Variants in TRANK1 observed in about 807,000 individuals in gnomAD.
The protein encoded by TRANK1 is TPR and ankyrin repeat-containing protein 1.
TRANK1 carries 198 observed loss-of-function variants against 266.0 expected under a neutral mutation model. The observed-to-expected ratio is 0.74, with a 90% CI of 0.66 to 0.84. TRANK1 has a LOEUF of 0.84. Ranked by LOEUF, TRANK1 falls within the 40% of genes least tolerant of loss-of-function variation. TRANK1 has a pLI of 0.00. For synonymous variants in TRANK1, 1,396 were observed against 1,384.1 expected (o/e 1.01, Z -0.19); for missense variants, 3,326 against 3,634.6 (o/e 0.92, Z 2.18).
At position 36,831,585 on chromosome 3, in the gene TRANK1, C is replaced by T. The variant is rs765196030; in HGVS notation, c.7998G>A (p.Glu2666=). 1 of 1,613,750 alleles carries T rather than the reference C, an allele frequency of 6.2e-7. No homozygotes were observed. Among genetic ancestry groups the T allele is most frequent in the Non-Finnish European group, 8.5e-7 (1 of 1,179,754 alleles). The change falls in exon 22 of 24, where the codon GAG becomes GAA. Residue 2666 remains glutamate, a synonymous_variant. Coordinates refer to ENST00000645898, the MANE Select transcript of TRANK1 (RefSeq NM_001329998.2). This position sits in a 1 kb window ranked among gnomAD's most constrained non-coding sequence, Gnocchi z 5.0. The stretch of plus-strand genomic sequence containing the variant: ...AGAGCAGGCGGTTTAGTCTGACCTC[C>T]TCATAATAGAGGCCACGGACTATGG... ...KGSIVRGLYY[E]EVRLNRLLCL...
chr3:36,837,826 G>GTTC (rs1291786934), intron 20 of TRANK1, among the ~76,000 whole-genome samples: 1 of 152,240 alleles, frequency 6.6e-6, no homozygotes. Flanking sequence ...TGATGGAAAT[G>GTTC]TTCTGTTAAC....
intron 13 of TRANK1, 68 bp downstream of exon 13, chr3:36,855,105 A>G: frequency 2.9e-6 from 4 of 1,401,318 alleles, no homozygotes; most frequent in Non-Finnish European, 3.9e-6. Flanking sequence ...GCTAGTCTGC[A>G]GCTTCAAAGG....
intron 15 of TRANK1, chr3:36,851,174 T>A: frequency 1.0e-6 from 1 of 985,684 alleles, no homozygotes; most frequent in Non-Finnish European, 1.2e-6. Flanking sequence ...TTGGCTGCCA[T>A]CATCTGCATG....
At chr3:36,939,311 C>T (rs948108273) in intron 1 of TRANK1, among the ~76,000 whole-genome samples, 5 of 150,614 alleles carry the variant, frequency 3.3e-5, no homozygotes, top group African/African-American at 9.8e-5. Flanking sequence ...CTCTACTTAC[C>T]TTTCTAGTAT....
At chr3:36,845,627 A>G (rs182126277) in intron 17 of TRANK1, among the ~76,000 whole-genome samples, 1 of 152,318 alleles carries the variant, frequency 6.6e-6, no homozygotes, top group Non-Finnish European at 1.5e-5. Context: ...ATATCATTCT[A>G]CCCATACTGT....
At chr3:36,866,983 C>T (rs530438580) in intron 9 of TRANK1, among the ~76,000 whole-genome samples, 1 of 152,254 alleles carries the variant, frequency 6.6e-6, no homozygotes, top group East Asian at 1.9e-4. Context: ...AGGTGCCAGG[C>T]AGAAGGAAGA....
chr3:36,883,460 C>T (rs531060958), intron 8 of TRANK1, among the ~76,000 whole-genome samples: 2,971 of 128,244 alleles, frequency 0.023, 48 homozygotes, highest in Non-Finnish European at 0.036. Context: ...AAAAAAAAAA[C>T]GCAGAGAAAA....
chr3:36,861,656 T>C (rs1030829252), intron 10 of TRANK1, among the ~76,000 whole-genome samples: 1 of 151,248 alleles, frequency 6.6e-6, no homozygotes, highest in African/African-American at 2.4e-5. Flanking sequence ...AAAGACAGGA[T>C]AAAAATTATC....
intron 3 of TRANK1, among the ~76,000 whole-genome samples, chr3:36,900,638 G>A (rs1490614963): frequency 1.3e-5 from 2 of 151,902 alleles, no homozygotes; most frequent in African/African-American, 4.8e-5. Context: ...CACTTTGGGA[G>A]GCCAAGGCAG....
intron 8 of TRANK1, among the ~76,000 whole-genome samples, chr3:36,879,629 T>TATATATAAATATACAAATATATATAA (rs2079449656): frequency 1.4e-5 from 1 of 69,092 alleles, no homozygotes; most frequent in Non-Finnish European, 2.5e-5. Context: ...TATATATAAA[T>TATATATAAATATACAAATATATATAA]ATATATAAAT....
chr3:36,834,985 TAA>T, intron 20 of TRANK1, 78 bp from the exon 21 acceptor site: 1 of 1,354,702 alleles, frequency 7.4e-7, no homozygotes, highest in East Asian at 2.5e-5. Context: ...CCACAAGTAA[TAA>T]AGAGGATAGT....
chr3:36,916,441 T>A (rs1575312420), intron 1 of TRANK1, among the ~76,000 whole-genome samples: 1 of 152,164 alleles, frequency 6.6e-6, no homozygotes, highest in South Asian at 2.1e-4. Context: ...CACATCCCTG[T>A]AATCCCAGCT....
chr3:36,922,669 G>A (rs949547120), intron 1 of TRANK1, among the ~76,000 whole-genome samples: 1 of 151,452 alleles, frequency 6.6e-6, no homozygotes, highest in African/African-American at 2.4e-5. Context: ...CCAGCTACTC[G>A]GGAGGCTGAG....
intron 1 of TRANK1, among the ~76,000 whole-genome samples, chr3:36,926,427 T>G (rs1410980541): frequency 6.6e-6 from 1 of 152,192 alleles, no homozygotes; most frequent in Non-Finnish European, 1.5e-5. Flanking sequence ...TACTCTGGAT[T>G]AGACTATACC....
chr3:36,879,709 AAT>A (rs1351381944), intron 8 of TRANK1, among the ~76,000 whole-genome samples: 4 of 99,662 alleles, frequency 4.0e-5, no homozygotes, highest in East Asian at 3.4e-4. Context: ...TATAAATATA[AAT>A]ATATAAATAT....
Position 36,860,897 on chromosome 3 carries a change from C to T in TRANK1, c.1495+9G>A, listed in dbSNP as rs1297520621. 6.5e-7 allele frequency: 1 copy of T among 1,536,874 alleles called. No homozygotes were observed. The highest frequency in any genetic ancestry group is 8.7e-7 in the Non-Finnish European group (1 of 1,146,572). ...AAGTCTCCAACGCTTAGCATCCAGTCACTCTCACCTCCACTGTCTATCAGG... is the reference window on the plus strand; with the variant it reads ...AAGTCTCCAACGCTTAGCATCCAGTTACTCTCACCTCCACTGTCTATCAGG... On this transcript the variant is annotated intron_variant, in intron 11 of 23. Coordinates refer to ENST00000645898, the MANE Select transcript of TRANK1 (RefSeq NM_001329998.2).
At chr3:36,869,569 C>T (rs1229441827) in intron 9 of TRANK1, among the ~76,000 whole-genome samples, 3 of 152,242 alleles carry the variant, frequency 2.0e-5, no homozygotes, top group African/African-American at 7.2e-5. Flanking sequence ...CCATCTGTCC[C>T]TTTAATGGAT....
chr3:36,856,924 C>G lies in TRANK1; in HGVS notation c.2798G>C (p.Arg933Pro). ...AATCCGGATGATTTCCGTGTAGATC[C>G]GCCCTGATTTCTCCATTGCACACGT... ...QNTCAMEKSG[R>P]IYTEIIRIWD... Residue 933 changes from arginine (R) to proline (P), a missense_variant, in exon 13 of 24, where the codon CGG becomes CCG. By Grantham distance (103) the Arg-to-Pro change is moderately radical (BLOSUM62 -2). Coordinates refer to ENST00000645898, the MANE Select transcript of TRANK1 (RefSeq NM_001329998.2). 6.5e-7 allele frequency: 1 copy of G among 1,547,558 alleles called. No homozygotes were observed. The highest frequency in any genetic ancestry group is 1.2e-5 in the South Asian group (1 of 86,724).
chr3:36,923,068 C>T (rs1013965427), intron 1 of TRANK1, among the ~76,000 whole-genome samples: 1 of 152,162 alleles, frequency 6.6e-6, no homozygotes, highest in African/African-American at 2.4e-5. Context: ...TCACTGCAAC[C>T]TTAGTGTTTT....
Sources: allele counts gnomAD v4.1 joint callset (sites outside exome capture counted in the v4.1 genomes callset), GRCh38; gene constraint gnomAD v4.1.1; non-coding constraint Gnocchi (gnomAD v3.1); transcripts MANE v1.5; gene names NCBI Gene and HGNC (gene_info 2026-07-23, HGNC 2026-07-21).